The following SYCP2L variants were observed in gnomAD, a reference collection of about 807,000 sequenced individuals.
SYCP2L encodes the protein synaptonemal complex protein 2 like.
Under a neutral mutation model 125.8 loss-of-function variants are expected in SYCP2L, and 98 were observed. The observed-to-expected ratio is 0.78, with a 90% confidence interval of 0.66 to 0.92. The LOEUF is 0.92. Ranked by LOEUF, SYCP2L falls within the 40% of genes least tolerant of loss-of-function variation. The pLI is 0.00. For missense variants in SYCP2L, 842 were observed against 936.4 expected (o/e 0.90, Z 1.32); for synonymous variants, 317 against 325.4 (o/e 0.97, Z 0.28).
At chr6:10,916,111 GGT>G (rs1780688900) in intron 14 of SYCP2L, among the ~76,000 whole-genome samples, 1 of 152,132 alleles carries the variant, frequency 6.6e-6, no homozygotes, top group African/African-American at 2.4e-5. Context: ...TGTGTGTAAT[GGT>G]GTTCATAGAA....
intron 14 of SYCP2L, among the ~76,000 whole-genome samples, chr6:10,918,211 A>G (rs1780723951): frequency 6.6e-6 from 1 of 151,812 alleles, no homozygotes; most frequent in African/African-American, 2.4e-5. Flanking sequence ...AAAAAAAAAA[A>G]AAAGAAAAGG....
intron 21 of SYCP2L, among the ~76,000 whole-genome samples, chr6:10,939,517 T>C (rs1781174163): frequency 2.0e-5 from 3 of 152,206 alleles, no homozygotes; most frequent in Admixed American, 6.5e-5. Context: ...AGTACTGCCA[T>C]AGAGACAGGC....
At chr6:10,963,017 A>G (rs967970757) in intron 28 of SYCP2L, among the ~76,000 whole-genome samples, 9 of 152,226 alleles carry the variant, frequency 5.9e-5, no homozygotes, top group African/African-American at 2.2e-4. Context: ...GTTAAGCACT[A>G]GAGATTATAT....
intron 23 of SYCP2L, among the ~76,000 whole-genome samples, chr6:10,948,383 T>G (rs1561697799): frequency 6.6e-6 from 1 of 152,122 alleles, no homozygotes; most frequent in African/African-American, 2.4e-5. Context: ...CCTTCTATGC[T>G]AAGTGAAAGA....
chr6:10,962,580 A>G (rs1781613080), intron 28 of SYCP2L, among the ~76,000 whole-genome samples: 1 of 152,196 alleles, frequency 6.6e-6, no homozygotes, highest in Non-Finnish European at 1.5e-5. Flanking sequence ...TGTGGGTTCT[A>G]TCTGTGAATA....
intron 14 of SYCP2L, among the ~76,000 whole-genome samples, chr6:10,923,659 G>A (rs1201839013): frequency 1.6e-5 from 2 of 126,524 alleles, no homozygotes; most frequent in Non-Finnish European, 3.3e-5. Flanking sequence ...GCTGGGAGAC[G>A]CAGACTTCTT....
rs376756118 is a variant in SYCP2L at position 10,926,451 on chromosome 6, A to G, written c.1312+19A>G. 1 of 1,583,752 alleles carries G rather than the reference A, an allele frequency of 6.3e-7. No individual in the cohort carries two copies. The highest frequency in any genetic ancestry group is 1.1e-5 in the South Asian group (1 of 89,932). ...GAAACAGGTATATTGGGAAATAACA[A>G]AATTCTGACCCTGAGTTTTCTGTAA... On this transcript the variant is annotated intron_variant, in intron 16 of 29. Transcript: ENST00000283141.
chr6:10,887,084 A>T lies in SYCP2L; in HGVS notation c.-43A>T. The T allele has an allele frequency of 6.2e-7, 1 of 1,613,944 alleles. No homozygotes were observed. Among genetic ancestry groups the T allele is most frequent in the Non-Finnish European group, 8.5e-7 (1 of 1,179,934 alleles). On this transcript the variant is annotated 5_prime_UTR_variant, in exon 1 of 30. Coordinates refer to ENST00000283141, the MANE Select transcript of SYCP2L (RefSeq NM_001040274.3). ...CAGGAGAGGGCCGACCGAGCGCAAC[A>T]AAGCTGAGCGGCGCGTCGCTTCAGG...
At chr6:10,891,975 G>C (rs1780182796) in intron 2 of SYCP2L, among the ~76,000 whole-genome samples, 1 of 152,202 alleles carries the variant, frequency 6.6e-6, no homozygotes, top group South Asian at 2.1e-4. Flanking sequence ...GAAGCAGGAA[G>C]AAAAAGAACA....
In SYCP2L at chr6:10,910,810, G is replaced by C; in HGVS notation, c.873-14G>C. ...ATTCATGTTTTATTTTTTTAATTGT[G>C]AGGTATTTTGCAGGGTGTATTCATT... On this transcript the variant is annotated splice_polypyrimidine_tract_variant and intron_variant, in intron 11 of 29. Coordinates refer to ENST00000283141, the MANE Select transcript of SYCP2L (RefSeq NM_001040274.3). 1 of 1,613,640 alleles carries C rather than the reference G, an allele frequency of 6.2e-7. No individual in the cohort carries two copies. Among genetic ancestry groups the C allele is most frequent in the Non-Finnish European group, 8.5e-7 (1 of 1,179,724 alleles).
At chr6:10,960,211 A>G (rs1781572586) in intron 26 of SYCP2L, among the ~76,000 whole-genome samples, 1 of 152,228 alleles carries the variant, frequency 6.6e-6, no homozygotes, top group Non-Finnish European at 1.5e-5. Context: ...GATTTGCTTA[A>G]CTGAGACAGA....
At chr6:10,964,596 A>C (rs1781648112) in intron 29 of SYCP2L, among the ~76,000 whole-genome samples, 1 of 152,192 alleles carries the variant, frequency 6.6e-6, no homozygotes, top group Admixed American at 6.5e-5. Context: ...AATTTTAAAA[A>C]TTTAAAAAAT....
intron 20 of SYCP2L, 150 bp from the exon 21 acceptor site, chr6:10,934,908 A>T: frequency 1.3e-6 from 1 of 742,426 alleles, no homozygotes; most frequent in Non-Finnish European, 2.1e-6. Context: ...AAAAACACAC[A>T]GAAATTCTTA....
intron 14 of SYCP2L, among the ~76,000 whole-genome samples, chr6:10,914,051 T>G (rs1780649276): frequency 6.6e-6 from 1 of 152,164 alleles, no homozygotes; most frequent in African/African-American, 2.4e-5. Context: ...CAGGCTGGTC[T>G]TGAACTCCTG....
intron 14 of SYCP2L, among the ~76,000 whole-genome samples, chr6:10,916,728 G>T (rs151011016): frequency 0.01 from 1,571 of 152,294 alleles, 25 homozygotes; most frequent in Non-Finnish European, 0.015. Context: ...GGTGGCTCAC[G>T]CCTGTAATCC....
intron 6 of SYCP2L, among the ~76,000 whole-genome samples, 162 bp downstream of exon 6, chr6:10,899,010 T>C (rs568486525): frequency 6.6e-6 from 1 of 152,334 alleles, no homozygotes; most frequent in South Asian, 2.1e-4. Flanking sequence ...TGGAAATGCA[T>C]TTCATTGTAG....
rs759381838 is a variant in SYCP2L at position 10,927,247 on chromosome 6, A to G, written c.1320A>G (p.Ala440=). The change falls in exon 17 of 30, where the codon GCA becomes GCG. Residue 440 remains alanine, a synonymous_variant. Coordinates refer to ENST00000283141, the MANE Select transcript of SYCP2L (RefSeq NM_001040274.3). ...PSGLERETEQ[A]EESTNMVEFM... is the part of the protein sequence containing the mutation. Reference sequence around the variant, plus strand: ...TTTTCTTAATTTGTATAGAGCAGGCAGAAGAATCCACTAACATGGTGGAGT... The same window carrying G: ...TTTTCTTAATTTGTATAGAGCAGGCGGAAGAATCCACTAACATGGTGGAGT... 3.7e-6 allele frequency: 6 copies of G among 1,614,056 alleles called. No homozygotes were observed. In the African/African-American group the frequency reaches 5.3e-5, roughly 14 times the overall value.
At chr6:10,961,244 A>G (rs1037489399) in intron 26 of SYCP2L, 61 bp from the exon 27 acceptor site, 29 of 1,337,772 alleles carry the variant, frequency 2.2e-5, no homozygotes, top group Non-Finnish European at 3.0e-5. Context: ...TGACTTATTA[A>G]GAAAGTCTGC....
chr6:10,898,234 G>C (rs1581816316), intron 5 of SYCP2L, 119 bp downstream of exon 5: 4 of 761,220 alleles, frequency 5.3e-6, no homozygotes, highest in Middle Eastern at 2.6e-4. Context: ...GACTCACATG[G>C]CTGGGCGTGA....
Sources: gnomAD v4.1 joint callset for allele counts (sites outside exome capture counted in the v4.1 genomes callset) on GRCh38, gnomAD v4.1.1 for gene constraint, MANE v1.5 for transcripts, NCBI Gene and HGNC (gene_info 2026-07-23, HGNC 2026-07-21) for gene names.